PLCB4: variants seen among roughly 807,000 people sequenced by gnomAD.
PLCB4 encodes phospholipase C beta 4.
In PLCB4, 77 loss-of-function variants were observed where a neutral mutation model predicts 178.8. The observed-to-expected ratio is 0.43, with a 90% CI of 0.36 to 0.52. PLCB4 has a LOEUF of 0.52. Among genes scored for constraint, PLCB4 ranks in the 20% least tolerant of loss-of-function variants. PLCB4 has a pLI of 0.00. For synonymous variants in PLCB4, 496 were observed against 490.8 expected, an observed-to-expected ratio of 1.01 and a Z score of -0.14; for missense variants, 1,024 against 1,453.4, an observed-to-expected ratio of 0.70 and a Z score of 4.80.
At chr20:9,313,876 G>T (rs994425013) in intron 4 of PLCB4, among the ~76,000 whole-genome samples, 3 of 152,154 alleles carry the variant, frequency 2.0e-5, no homozygotes, top group Admixed American at 6.5e-5. Context: ...TCTTCCACTT[G>T]CATATTGTGA....
At chr20:9,241,457 C>A (rs1211337986) in intron 3 of PLCB4, among the ~76,000 whole-genome samples, 1 of 151,534 alleles carries the variant, frequency 6.6e-6, no homozygotes, top group Non-Finnish European at 1.5e-5. Context: ...ACCAATGAAC[C>A]AAAAGCAGAA....
chr20:9,336,761 A>G (rs538723890), intron 4 of PLCB4, among the ~76,000 whole-genome samples: 5 of 152,032 alleles, frequency 3.3e-5, no homozygotes, highest in Non-Finnish European at 7.4e-5. Flanking sequence ...AACACAAAAC[A>G]AAAACCAGTG....
intron 4 of PLCB4, among the ~76,000 whole-genome samples, chr20:9,312,948 C>T (rs2094853581): frequency 6.6e-6 from 1 of 152,164 alleles, no homozygotes; most frequent in African/African-American, 2.4e-5. Context: ...ATCTATTAAA[C>T]TTCGAAGAAT....
chr20:9,268,424 G>A (rs1288391068), intron 3 of PLCB4, among the ~76,000 whole-genome samples: 1 of 152,132 alleles, frequency 6.6e-6, no homozygotes, highest in Non-Finnish European at 1.5e-5. Flanking sequence ...TAATTTCAAA[G>A]TATCTCAAGT....
chr20:9,197,408 C>T (rs1180866057), intron 2 of PLCB4, among the ~76,000 whole-genome samples: 2 of 151,990 alleles, frequency 1.3e-5, no homozygotes, highest in East Asian at 3.9e-4. Flanking sequence ...ATTTCAAAGA[C>T]TTAGTATGAA....
intron 2 of PLCB4, among the ~76,000 whole-genome samples, chr20:9,167,315 A>C (rs1259228044): frequency 6.6e-6 from 1 of 152,220 alleles, no homozygotes; most frequent in Non-Finnish European, 1.5e-5. Flanking sequence ...ACTTAAATAT[A>C]ATGTGATAAA....
intron 2 of PLCB4, among the ~76,000 whole-genome samples, chr20:9,208,820 C>T (rs935724451): frequency 5.3e-5 from 8 of 152,154 alleles, no homozygotes; most frequent in South Asian, 4.1e-4. Flanking sequence ...GGATTACAGG[C>T]GTGAGCCACC....
In PLCB4 at chr20:9,373,063, G is replaced by T; in HGVS notation, c.703G>T (p.Asp235Tyr). 1 of 1,523,766 alleles carries T rather than the reference G, an allele frequency of 6.6e-7. No individual in the cohort carries two copies. The highest frequency in any genetic ancestry group is 9.1e-7 in the Non-Finnish European group (1 of 1,099,914). The allele number at this position is 1,523,766 out of a possible 1,614,324, so 94.4% of individuals were successfully genotyped here. A position where few individuals can be genotyped will look rare whatever the true frequency, so the allele number is the denominator to read the frequency against. Residue 235 changes from aspartate (D) to tyrosine (Y), a missense_variant, in exon 12 of 40, where the codon GAT becomes TAT. Transcript: ENST00000378473. The part of the protein sequence containing the change: ...LFKKINGDKT[D>Y]YLTVDQLVSF... ...TCTTTTCAGCAATGGAGACAAAACT[G>T]ATTATTTAACGGTAGACCAATTAGT...
intron 4 of PLCB4, among the ~76,000 whole-genome samples, chr20:9,336,360 G>T (rs913605511): frequency 6.6e-6 from 1 of 152,212 alleles, no homozygotes; most frequent in Non-Finnish European, 1.5e-5. Context: ...GTGTAACACA[G>T]ATGCTCTGAT....
intron 26 of PLCB4, 104 bp downstream of exon 26, chr20:9,420,013 T>A: frequency 1.5e-6 from 1 of 655,418 alleles, no homozygotes; most frequent in East Asian, 2.7e-5. Context: ...CATGTGCTGC[T>A]CACAACTTTG....
At chr20:9,397,963 G>A (rs1459953788) in intron 19 of PLCB4, among the ~76,000 whole-genome samples, 1 of 152,120 alleles carries the variant, frequency 6.6e-6, no homozygotes, top group African/African-American at 2.4e-5. Context: ...CCCTTGGGTG[G>A]GTTATCCCGG....
At chr20:9,429,957 G>T (rs1200301434) in intron 28 of PLCB4, among the ~76,000 whole-genome samples, 3 of 152,104 alleles carry the variant, frequency 2.0e-5, no homozygotes, top group Non-Finnish European at 4.4e-5. Context: ...ATCCTAGAAA[G>T]GGGTATCCAA....
chr20:9,159,609 C>T (rs1263392704), intron 2 of PLCB4, among the ~76,000 whole-genome samples: 1 of 152,004 alleles, frequency 6.6e-6, no homozygotes, highest in African/African-American at 2.4e-5. Flanking sequence ...ATATAATTTC[C>T]CTGTATTCTG....
intron 2 of PLCB4, among the ~76,000 whole-genome samples, chr20:9,186,083 T>G (rs2093324775): frequency 6.6e-6 from 1 of 152,172 alleles, no homozygotes; most frequent in African/African-American, 2.4e-5. Flanking sequence ...GAAAAGTGCC[T>G]CATTCATAGT....
intron 3 of PLCB4, among the ~76,000 whole-genome samples, chr20:9,259,306 A>C (rs1390735439): frequency 6.6e-6 from 1 of 152,162 alleles, no homozygotes; most frequent in Non-Finnish European, 1.5e-5. Flanking sequence ...CAATTATGTA[A>C]TTTTCATATT....
intron 2 of PLCB4, among the ~76,000 whole-genome samples, chr20:9,131,018 T>C (rs1299231377): frequency 6.6e-6 from 1 of 152,196 alleles, no homozygotes; most frequent in East Asian, 1.9e-4. Context: ...AACAGCATCA[T>C]GTGAAGTTAC....
At chr20:9,157,222 A>T (rs2092807432) in intron 2 of PLCB4, among the ~76,000 whole-genome samples, 1 of 97,792 alleles carries the variant, frequency 1.0e-5, no homozygotes, top group Admixed American at 9.0e-5. Context: ...AATCATATGA[A>T]AAAAAAAAAA....
intron 15 of PLCB4, among the ~76,000 whole-genome samples, chr20:9,389,160 C>T (rs2037926132): frequency 6.6e-6 from 1 of 152,142 alleles, no homozygotes; most frequent in Non-Finnish European, 1.5e-5. Context: ...CTTAAAGCCT[C>T]TCCTATTTCA....
chr20:9,139,993 C>T (rs2092455284), intron 2 of PLCB4, among the ~76,000 whole-genome samples: 1 of 152,098 alleles, frequency 6.6e-6, no homozygotes, highest in Non-Finnish European at 1.5e-5. Flanking sequence ...TCCTCTGAGG[C>T]TTGAGATAAC....
Sources: allele counts gnomAD v4.1 joint callset (sites outside exome capture counted in the v4.1 genomes callset), GRCh38; gene constraint gnomAD v4.1.1; transcripts MANE v1.5; gene names NCBI Gene and HGNC (gene_info 2026-07-23, HGNC 2026-07-21).